ENDOV: variants seen among roughly 807,000 people sequenced by gnomAD.
ENDOV encodes hEndoV.
A neutral mutation model predicts 39.4 loss-of-function variants in ENDOV; 37 were observed. The ratio of observed to expected loss-of-function variants is 0.94; its 90% CI spans 0.72 to 1.23. The LOEUF is 1.23. Among genes scored for constraint, ENDOV ranks in the 50% most tolerant of loss-of-function variants. The probability of loss-of-function intolerance (pLI) is 0.00; values close to 1 mark genes in which losing one functional copy is unlikely to be tolerated. For missense variants in ENDOV, 441 were observed against 375.7 expected (o/e 1.17, Z -1.44); for synonymous variants, 186 against 163.4 (o/e 1.14, Z -1.05).
chr17:80,415,555 C>T, intron 1 of ENDOV, 95 bp from the exon 2 acceptor site: 3 of 1,434,874 alleles, frequency 2.1e-6, no homozygotes, highest in Admixed American at 4.5e-5. Flanking sequence ...GGGAGAAGAC[C>T]CGGCAGAGGC....
rs769976995 is a variant in ENDOV at position 80,422,127 on chromosome 17, C to T, written c.364-79C>T. ...AGCTGGACCCCAGAGACAGTGCCCC[C>T]TTCTTGCCTCAGGGATGGCCCTGTC... On this transcript the variant is annotated intron_variant, in intron 3 of 9. Transcript: ENST00000518137. The T allele has an allele frequency of 5.6e-6, 9 of 1,596,084 alleles. No homozygotes were observed. In the South Asian group the frequency reaches 7.9e-5, roughly 14 times the overall value.
chr17:80,433,521 G>GC (rs2083446811), intron 9 of ENDOV, among the ~76,000 whole-genome samples: 1 of 152,230 alleles, frequency 6.6e-6, no homozygotes, highest in Admixed American at 6.5e-5. Flanking sequence ...AGGCCTGGCT[G>GC]CCCCCTTCCT....
At position 80,415,754 on chromosome 17, in the gene ENDOV, C is replaced by T. The variant is rs202223389; in HGVS notation, c.161C>T (p.Ser54Phe). The T allele has an allele frequency of 5.6e-6, 9 of 1,606,218 alleles. No individual in the cohort carries two copies. Among genetic ancestry groups the T allele is most frequent in the African/African-American group, 1.3e-5 (1 of 74,822 alleles). ...GLQRVGGVDV[S>F]FVKGDSVRAC... is the part of the protein sequence containing the mutation. ...CAGAGGGTCGGGGGCGTTGACGTGT[C>T]CTTCGTGAAAGGGGACAGTGTCCGC... is the stretch of plus-strand genomic sequence containing the variant. The change falls in exon 2 of 10, where the codon TCC becomes TTC. Residue 54 changes from serine to phenylalanine, a missense_variant. By Grantham distance (155) the Ser-to-Phe change is radical. Coordinates refer to ENST00000518137, the MANE Select transcript of ENDOV (RefSeq NM_173627.5).
chr17:80,415,884 G>C lies in ENDOV; in HGVS notation c.228+63G>C, dbSNP rs931622904. On this transcript the variant is annotated intron_variant, in intron 2 of 9. Coordinates refer to ENST00000518137, the MANE Select transcript of ENDOV (RefSeq NM_173627.5). ...CGGTGGGCTCGGGCGTGCGGTCTCC[G>C]GGACAGGGAGCAGTGCAAGCGTAGA... 6.5e-6 allele frequency: 10 copies of C among 1,532,550 alleles called. No homozygotes were observed. In the Admixed American group the frequency reaches 1.5e-4, roughly 23 times the overall value. The allele number at this position is 1,532,550 out of a possible 1,614,324, so 94.9% of individuals were successfully genotyped here.
At chr17:80,434,285 ATTC>A (rs2083482650) in intron 9 of ENDOV, among the ~76,000 whole-genome samples, 1 of 152,196 alleles carries the variant, frequency 6.6e-6, no homozygotes, top group South Asian at 2.1e-4. Flanking sequence ...TCAGGACCTC[ATTC>A]TTCTTTATGG....
At chr17:80,422,959 A>G (rs1453267241) in intron 4 of ENDOV, among the ~76,000 whole-genome samples, 2 of 152,020 alleles carry the variant, frequency 1.3e-5, no homozygotes, top group Non-Finnish European at 2.9e-5. Context: ...TCGGCCTCCC[A>G]AAGTGCTGGG....
intron 4 of ENDOV, 108 bp downstream of exon 4, chr17:80,422,353 C>A: frequency 7.4e-7 from 1 of 1,344,042 alleles, no homozygotes; most frequent in Non-Finnish European, 1.0e-6. Context: ...CCTCTGCCGC[C>A]AGCCCCCTCC....
At chr17:80,415,885 G>C (rs1049125984) in intron 2 of ENDOV, 64 bp downstream of exon 2, 1 of 1,533,366 alleles carries the variant, frequency 6.5e-7, no homozygotes, top group Non-Finnish European at 8.8e-7. Context: ...GCGGTCTCCG[G>C]GACAGGGAGC....
intron 7 of ENDOV, 102 bp downstream of exon 7, chr17:80,425,722 G>C: frequency 6.7e-7 from 1 of 1,499,950 alleles, no homozygotes; most frequent in Non-Finnish European, 8.9e-7. Flanking sequence ...AGAGTGCAGT[G>C]ACATGAGGAC....
intron 9 of ENDOV, among the ~76,000 whole-genome samples, chr17:80,435,515 T>C (rs918525340): frequency 1.3e-5 from 2 of 152,066 alleles, no homozygotes; most frequent in Non-Finnish European, 2.9e-5. Flanking sequence ...AGTGCAGGGG[T>C]GTGATCATGG....
intron 2 of ENDOV, chr17:80,420,248 G>T (rs1001419505): frequency 2.0e-5 from 3 of 152,720 alleles, no homozygotes; most frequent in African/African-American, 7.2e-5. Context: ...TCACCTGAAT[G>T]ATAACATTAT....
chr17:80,415,985 C>T (rs1263493494), intron 2 of ENDOV, 164 bp downstream of exon 2: 2 of 822,018 alleles, frequency 2.4e-6, no homozygotes, highest in African/African-American at 3.6e-5. Context: ...CGCCTGCAAT[C>T]CCAGCACTTT....
intron 5 of ENDOV, 97 bp downstream of exon 5, chr17:80,423,729 C>A: frequency 8.9e-7 from 1 of 1,128,644 alleles, no homozygotes; most frequent in Non-Finnish European, 1.3e-6. Context: ...CCCTTGCCTG[C>A]TGACGCTGCC....
rs375994328 is a variant in ENDOV, at chr17:80,415,223, C to A, written c.29C>A (p.Pro10Gln). The change falls in exon 1 of 10, where the codon CCG becomes CAG. Residue 10 changes from proline to glutamine, a missense_variant. Pro to Gln is a moderately conservative substitution (Grantham distance 76). Coordinates refer to ENST00000518137, the MANE Select transcript of ENDOV (RefSeq NM_173627.5). ...GCCCTGGAGGCGGCGGGAGGGCCGC[C>A]GGAGGAAACGCTGTCACTGTGGAAA... MALEAAGGPPEETLSLWKRE... is the reference protein window; with the variant it reads MALEAAGGPQEETLSLWKRE... 8.7e-6 allele frequency: 14 copies of A among 1,613,248 alleles called. No individual in the cohort carries two copies. The African/African-American group carries it at 1.3e-4, about 15-fold the overall frequency.
intron 2 of ENDOV, 75 bp from the exon 3 acceptor site, chr17:80,421,753 A>C: frequency 6.6e-7 from 1 of 1,524,418 alleles, no homozygotes; most frequent in Non-Finnish European, 8.8e-7. Context: ...TGAGGGGGGC[A>C]GGGCATGGAC....
intron 2 of ENDOV, chr17:80,417,873 G>A (rs543209505): frequency 2.0e-5 from 3 of 152,324 alleles, no homozygotes; most frequent in South Asian, 4.1e-4. Context: ...GTGGGCTCAT[G>A]ATTCACATAA....
intron 9 of ENDOV, among the ~76,000 whole-genome samples, chr17:80,434,359 G>C (rs757281429): frequency 3.9e-5 from 6 of 152,188 alleles, no homozygotes; most frequent in Non-Finnish European, 7.3e-5. Flanking sequence ...GTGGATATTT[G>C]GGTTTTTTCC....
chr17:80,429,702 A>C (rs967632075), intron 8 of ENDOV, 71 bp from the exon 9 acceptor site: 14 of 1,448,092 alleles, frequency 9.7e-6, no homozygotes, highest in Non-Finnish European at 1.0e-5. Context: ...CCCAGACCCC[A>C]TCTGGGGTGT....
intron 9 of ENDOV, chr17:80,433,037 C>T (rs1323770138): frequency 4.0e-6 from 2 of 494,514 alleles, no homozygotes; most frequent in Non-Finnish European, 8.1e-6. Flanking sequence ...CAAACAAATG[C>T]CTCTCCCCTC....
Sources: allele counts gnomAD v4.1 joint callset (sites outside exome capture counted in the v4.1 genomes callset), GRCh38; gene constraint gnomAD v4.1.1; transcripts MANE v1.5; gene names NCBI Gene and HGNC (gene_info 2026-07-23, HGNC 2026-07-21).